Variants in EYS observed in about 807,000 individuals in gnomAD.
EYS encodes EGF-like photoreceptor maintenance factor, also known as protein eyes shut homolog.
EYS carries 250 observed loss-of-function variants against 282.1 expected under a neutral mutation model. The observed-to-expected ratio is 0.89, with a 90% CI of 0.80 to 0.98. The LOEUF (loss-of-function observed/expected upper bound fraction) is 0.98, where lower values mean the gene tolerates loss of function less well. EYS is among the 50% of genes least tolerant of loss of function. The pLI is 0.00. For missense variants in EYS, 4,016 were observed against 3,709.0 expected, an observed-to-expected ratio of 1.08 and a Z score of -2.15; for synonymous variants, 1,355 against 1,282.9, an observed-to-expected ratio of 1.06 and a Z score of -1.20.
chr6:65,000,161 G>C (rs1420172955), intron 13 of EYS, among the ~76,000 whole-genome samples: 1 of 152,168 alleles, frequency 6.6e-6, no homozygotes, highest in Non-Finnish European at 1.5e-5. Flanking sequence ...TGGAGTCAGA[G>C]CTCCACATCC....
At chr6:64,829,131 A>C (rs1197963025) in intron 19 of EYS, among the ~76,000 whole-genome samples, 1 of 151,990 alleles carries the variant, frequency 6.6e-6, no homozygotes, top group Non-Finnish European at 1.5e-5. Flanking sequence ...AATATGAGAA[A>C]GAAGCATATA....
chr6:64,764,925 T>C (rs7773486), intron 22 of EYS, among the ~76,000 whole-genome samples: 149,731 of 152,288 alleles, frequency 0.98, 73,644 homozygotes, highest in Non-Finnish European at 1. Flanking sequence ...TTAATAGAGA[T>C]ATGGTATCTC....
At position 64,617,656 on chromosome 6, in the gene EYS, T is replaced by A. The variant is rs974195696; in HGVS notation, c.3569-123A>T. Reference sequence around the variant, plus strand: ...AATTATGCTAGATGTTTTGTACAAATTACCTCAGTGTATCTTCATGATCAG... The same window carrying A: ...AATTATGCTAGATGTTTTGTACAAAATACCTCAGTGTATCTTCATGATCAG... On this transcript the variant is annotated intron_variant, in intron 23 of 42. Transcript: ENST00000503581. 7.0e-5 allele frequency: 46 copies of A among 654,384 alleles called. No homozygotes were observed. The African/African-American group carries it at 7.9e-4, about 11-fold the overall frequency. The allele number at this position is 654,384 out of a possible 1,614,324, so 40.5% of individuals were successfully genotyped here.
chr6:64,396,627 T>G (rs1012882426), intron 28 of EYS, among the ~76,000 whole-genome samples: 2 of 152,066 alleles, frequency 1.3e-5, no homozygotes, highest in African/African-American at 4.8e-5. Context: ...TTTTTATTTT[T>G]TCTCTATGGA....
intron 34 of EYS, 56 bp downstream of exon 34, chr6:63,999,019 T>C (rs916016819): frequency 6.6e-6 from 7 of 1,058,062 alleles, no homozygotes; most frequent in Non-Finnish European, 1.0e-5. Context: ...AAAAAATACT[T>C]ATCTGAAATA....
At chr6:64,356,719 G>T (rs866643036) in intron 29 of EYS, among the ~76,000 whole-genome samples, 5 of 151,624 alleles carry the variant, frequency 3.3e-5, no homozygotes, top group African/African-American at 1.2e-4. Context: ...TCCAGTGTTT[G>T]CCAAATACAC....
chr6:64,506,568 C>T (rs529227396), intron 26 of EYS, among the ~76,000 whole-genome samples: 26 of 152,190 alleles, frequency 1.7e-4, no homozygotes, highest in Non-Finnish European at 2.9e-4. Flanking sequence ...AATGTCTTGT[C>T]AAAGGATCAG....
At chr6:65,302,083 C>G (rs1768855353) in intron 11 of EYS, among the ~76,000 whole-genome samples, 1 of 152,232 alleles carries the variant, frequency 6.6e-6, no homozygotes, top group South Asian at 2.1e-4. Context: ...TCAAGTTCAT[C>G]TTTAAATGAA....
intron 8 of EYS, among the ~76,000 whole-genome samples, chr6:65,369,031 T>C (rs1341868287): frequency 6.6e-6 from 1 of 151,172 alleles, no homozygotes; most frequent in Non-Finnish European, 1.5e-5. Context: ...TTTCTCCCCG[T>C]TTTCTTAAAA....
At chr6:64,728,296 T>A (rs772507323) in intron 22 of EYS, among the ~76,000 whole-genome samples, 2 of 152,130 alleles carry the variant, frequency 1.3e-5, no homozygotes, top group African/African-American at 4.8e-5. Flanking sequence ...TAAATACTAA[T>A]AGCTTTAAAT....
intron 35 of EYS, among the ~76,000 whole-genome samples, chr6:63,948,862 A>T (rs1765479237): frequency 6.6e-6 from 1 of 152,074 alleles, no homozygotes; most frequent in Non-Finnish European, 1.5e-5. Flanking sequence ...ATAATATGTA[A>T]TACATATAAT....
intron 12 of EYS, among the ~76,000 whole-genome samples, chr6:65,213,452 G>T (rs1354873948): frequency 6.6e-6 from 1 of 152,144 alleles, no homozygotes; most frequent in African/African-American, 2.4e-5. Flanking sequence ...TGGAAACCCT[G>T]CACTGAGCAT....
intron 29 of EYS, among the ~76,000 whole-genome samples, chr6:64,373,783 C>T (rs1490372072): frequency 6.6e-6 from 1 of 152,130 alleles, no homozygotes; most frequent in Non-Finnish European, 1.5e-5. Flanking sequence ...AGAAGCAGGA[C>T]CGTTGGACCA....
At chr6:65,409,089 T>C (rs1030647231) in intron 5 of EYS, among the ~76,000 whole-genome samples, 1 of 152,198 alleles carries the variant, frequency 6.6e-6, no homozygotes, top group Non-Finnish European at 1.5e-5. Context: ...TGATTTGTAT[T>C]CCTTTAGATT....
At chr6:63,970,559 C>A (rs547890485) in intron 35 of EYS, among the ~76,000 whole-genome samples, 33 of 151,020 alleles carry the variant, frequency 2.2e-4, no homozygotes, top group Non-Finnish European at 4.0e-4. Flanking sequence ...GGCATGAACC[C>A]GGGAGGTGGA....
chr6:63,828,538 C>T (rs1439433547), intron 36 of EYS, among the ~76,000 whole-genome samples: 1 of 152,142 alleles, frequency 6.6e-6, no homozygotes. Flanking sequence ...AGAACAATAA[C>T]AAGCAGCGAG....
At chr6:63,758,963 T>C (rs906439080) in intron 41 of EYS, among the ~76,000 whole-genome samples, 3 of 152,030 alleles carry the variant, frequency 2.0e-5, no homozygotes, top group Admixed American at 1.3e-4. Flanking sequence ...AACACTATTT[T>C]TGTCTGCCTT....
intron 19 of EYS, among the ~76,000 whole-genome samples, chr6:64,844,269 C>A (rs1468309204): frequency 6.6e-6 from 1 of 150,828 alleles, no homozygotes; most frequent in African/African-American, 2.4e-5. Context: ...TCTTAAATTT[C>A]TTTTTTTCTC....
At chr6:64,815,181 G>T (rs1448399347) in intron 21 of EYS, 1 of 438,300 alleles carries the variant, frequency 2.3e-6, no homozygotes, top group Admixed American at 2.6e-5. Flanking sequence ...AACTAAGTAT[G>T]TTTTTATAAA....
Sources: gnomAD v4.1 joint callset for allele counts (sites outside exome capture counted in the v4.1 genomes callset) on GRCh38, gnomAD v4.1.1 for gene constraint, MANE v1.5 for transcripts, NCBI Gene and HGNC (gene_info 2026-07-23, HGNC 2026-07-21) for gene names.